HLCS: variants seen among roughly 807,000 people sequenced by gnomAD.
The protein encoded by HLCS is biotin--protein ligase.
In HLCS, 53 loss-of-function variants were observed where a neutral mutation model predicts 75.0. The ratio of observed to expected loss-of-function variants is 0.71; its 90% CI spans 0.57 to 0.89. The LOEUF (loss-of-function observed/expected upper bound fraction) is 0.89. Ranked by LOEUF, HLCS falls within the 40% of genes least tolerant of loss-of-function variation. The pLI, the probability that HLCS is intolerant of heterozygous loss-of-function variation, is 0.00. For synonymous variants in HLCS, 431 were observed against 428.6 expected (o/e 1.01, Z -0.07); for missense variants, 966 against 1,074.0 (o/e 0.90, Z 1.41).
intron 4 of HLCS, among the ~76,000 whole-genome samples, chr21:36,932,442 C>T (rs530909766): frequency 2.0e-5 from 3 of 152,294 alleles, no homozygotes; most frequent in Non-Finnish European, 4.4e-5. Flanking sequence ...TTTCCTCCCA[C>T]CCTCCTTCCC....
intron 6 of HLCS, among the ~76,000 whole-genome samples, chr21:36,823,652 CAT>C (rs2061918913): frequency 1.1e-5 from 1 of 87,770 alleles, no homozygotes; most frequent in South Asian, 3.4e-4. Flanking sequence ...TGTGTGTACA[CAT>C]GTGCTTCAGG....
At chr21:36,795,213 A>T (rs2060990899) in intron 6 of HLCS, among the ~76,000 whole-genome samples, 1 of 152,198 alleles carries the variant, frequency 6.6e-6, no homozygotes, top group Non-Finnish European at 1.5e-5. Flanking sequence ...AACACGAAGC[A>T]TGGTGACCAA....
At chr21:36,804,129 C>T (rs529630608) in intron 6 of HLCS, 113 of 152,648 alleles carry the variant, frequency 7.4e-4, no homozygotes, top group African/African-American at 2.6e-3. Flanking sequence ...CACCAATCCG[C>T]TTCCCCGGCC....
In HLCS at chr21:36,750,508, T is replaced by C. The variant is rs1271541871; in HGVS notation, c.*3738A>G. On this transcript the variant is annotated 3_prime_UTR_variant, in exon 11 of 11. Transcript: ENST00000674895. ...CCCACTCCTTTTATCCTTTTAAAAGTCCTATCAGCCCTGCCTTCGTCCCTT... is the reference window on the plus strand; with the variant it reads ...CCCACTCCTTTTATCCTTTTAAAAGCCCTATCAGCCCTGCCTTCGTCCCTT... 2.6e-5 allele frequency among the ~76,000 whole-genome samples: 4 copies of C among 152,128 alleles called. No homozygotes were observed. Among genetic ancestry groups the C allele is most frequent in the Non-Finnish European group, 5.9e-5 (4 of 68,024 alleles).
At chr21:36,890,167 C>T (rs746916657) in intron 6 of HLCS, among the ~76,000 whole-genome samples, 36 of 152,182 alleles carry the variant, frequency 2.4e-4, no homozygotes, top group Non-Finnish European at 4.0e-4. Flanking sequence ...CCTCCCCAGC[C>T]GTGCTGAACT....
chr21:36,951,089 C>A (rs1224723589), intron 2 of HLCS, among the ~76,000 whole-genome samples: 1 of 152,216 alleles, frequency 6.6e-6, no homozygotes, highest in African/African-American at 2.4e-5. Flanking sequence ...GAACTCTCCC[C>A]TTATTTCTTG....
At chr21:36,803,593 G>A (rs1255824026) in intron 6 of HLCS, among the ~76,000 whole-genome samples, 1 of 152,088 alleles carries the variant, frequency 6.6e-6, no homozygotes, top group East Asian at 1.9e-4. Flanking sequence ...TTGGCTGTAA[G>A]AAGTATCCCG....
intron 6 of HLCS, among the ~76,000 whole-genome samples, chr21:36,786,086 C>T (rs1049548340): frequency 6.6e-6 from 1 of 152,104 alleles, no homozygotes; most frequent in Non-Finnish European, 1.5e-5. Context: ...GGAGAATGGG[C>T]CCAGATGTAA....
At chr21:36,934,201 T>A (rs756311498) in intron 4 of HLCS, among the ~76,000 whole-genome samples, 4 of 152,142 alleles carry the variant, frequency 2.6e-5, no homozygotes, top group African/African-American at 4.8e-5. Context: ...ACTTGGCTTC[T>A]TGTAAAAATA....
Position 36,936,943 on chromosome 21 carries a change from C to T in HLCS, c.943G>A (p.Val315Met). The T allele has an allele frequency of 6.2e-7, 1 of 1,614,148 alleles. No individual in the cohort carries two copies. Among genetic ancestry groups the T allele is most frequent in the Non-Finnish European group, 8.5e-7 (1 of 1,180,028 alleles). The change falls in exon 4 of 11, where the codon GTG (valine) becomes ATG (methionine). Residue 315 changes from valine to methionine, a missense_variant. Transcript: ENST00000674895. ...AGGGCTTCCTGGGAGTCGGAGCCCA[C>T]ATAGAGGAGGATGTTGGGTGCCTTT... ...TGKAPNILLY[V>M]GSDSQEALGR...
intron 6 of HLCS, among the ~76,000 whole-genome samples, chr21:36,824,390 T>C (rs1261076117): frequency 1.3e-5 from 2 of 151,592 alleles, no homozygotes; most frequent in African/African-American, 2.4e-5. Flanking sequence ...AGCTCAACAA[T>C]GAGAACACAT....
chr21:36,977,546 T>C (rs1407219248), intron 1 of HLCS, among the ~76,000 whole-genome samples: 2 of 152,148 alleles, frequency 1.3e-5, no homozygotes, highest in Non-Finnish European at 2.9e-5. Context: ...TAAATGAATG[T>C]GGAAAGAAAT....
chr21:36,755,426 T>G (rs1013235071), intron 10 of HLCS, among the ~76,000 whole-genome samples: 1 of 151,020 alleles, frequency 6.6e-6, no homozygotes, highest in Non-Finnish European at 1.5e-5. Flanking sequence ...ATAAAAAAAG[T>G]TTTTTAAAAG....
At chr21:36,765,703 G>A (rs1263025930) in intron 7 of HLCS, among the ~76,000 whole-genome samples, 2 of 152,144 alleles carry the variant, frequency 1.3e-5, no homozygotes, top group South Asian at 4.1e-4. Context: ...TTGGAGTGCA[G>A]TGCGTGTGAT....
At chr21:36,756,005 G>A (rs2089554034) in intron 10 of HLCS, among the ~76,000 whole-genome samples, 1 of 152,078 alleles carries the variant, frequency 6.6e-6, no homozygotes, top group South Asian at 2.1e-4. Flanking sequence ...TCTTCCCATC[G>A]CATCCCACCA....
At chr21:36,802,470 C>T (rs752635037) in intron 6 of HLCS, among the ~76,000 whole-genome samples, 29 of 152,200 alleles carry the variant, frequency 1.9e-4, no homozygotes, top group African/African-American at 3.4e-4. Flanking sequence ...GATGTTTACA[C>T]GGCACTTTTC....
intron 2 of HLCS, among the ~76,000 whole-genome samples, chr21:36,960,045 T>A (rs558853699): frequency 1.3e-5 from 2 of 151,782 alleles, no homozygotes. Flanking sequence ...GGTGCCACCA[T>A]GTTCCCCTTG....
chr21:36,882,620 C>CTTTT (rs35012674), intron 6 of HLCS, among the ~76,000 whole-genome samples: 54 of 104,362 alleles, frequency 5.2e-4, no homozygotes, highest in South Asian at 6.9e-4. Flanking sequence ...TTCTTTCTTT[C>CTTTT]TTTTTTTTTT....
rs1015573114 is a variant in HLCS at position 36,753,319 on chromosome 21, C to T, written c.*927G>A. The T allele has an allele frequency of 3.3e-5, 5 of 152,232 alleles. No individual in the cohort carries two copies. Among genetic ancestry groups the T allele is most frequent in the African/African-American group, 1.2e-4 (5 of 41,436 alleles). 9.4% of individuals were successfully genotyped at this position (152,232 alleles called of 1,614,324 possible). A position where few individuals can be genotyped will look rare whatever the true frequency, so the allele number is the denominator to read the frequency against. On this transcript the variant is annotated 3_prime_UTR_variant, in exon 11 of 11. Coordinates refer to ENST00000674895, the MANE Select transcript of HLCS (RefSeq NM_001352514.2). This position sits in a 1 kb window ranked among gnomAD's most constrained non-coding sequence, Gnocchi z 4.3. ...CATGTCTTCTATATTCCGTGAGCTG[C>T]ACAGTCTTGCAGGAATGCTCCACAT...
Sources: allele counts gnomAD v4.1 joint callset (sites outside exome capture counted in the v4.1 genomes callset), GRCh38; gene constraint gnomAD v4.1.1; non-coding constraint Gnocchi (gnomAD v3.1); transcripts MANE v1.5; gene names NCBI Gene and HGNC (gene_info 2026-07-23, HGNC 2026-07-21).